Variants in SAMD4A observed in about 807,000 individuals in gnomAD.
SAMD4A encodes sterile alpha motif domain containing 4A.
SAMD4A carries 33 observed loss-of-function variants against 81.3 expected under a neutral mutation model. The ratio of observed to expected loss-of-function variants is 0.41; its 90% CI spans 0.31 to 0.54. The LOEUF is 0.54. Among genes scored for constraint, SAMD4A ranks in the 20% least tolerant of loss-of-function variants. The pLI is 0.37. For synonymous variants in SAMD4A, 389 were observed against 382.1 expected, an observed-to-expected ratio of 1.02 and a Z score of -0.21; for missense variants, 854 against 951.1, an observed-to-expected ratio of 0.90 and a Z score of 1.34.
In SAMD4A at chr14:54,599,603, C is replaced by T. The variant is rs149250174; in HGVS notation, c.196+31491C>T. Among the ~76,000 whole-genome samples the T allele has an allele frequency of 5.1e-3, 771 of 152,298 alleles. 2 individuals are homozygous for T. Among genetic ancestry groups the T allele is most frequent in the Non-Finnish European group, 9.4e-3 (639 of 68,026 alleles). On this transcript the variant is annotated intron_variant, in intron 2 of 12. Transcript: ENST00000554335. Reference sequence around the variant, plus strand: ...TTTTGGCATGGCTGTTTGTCTAGCTCTGTGATCTTGGACAGGTCAATTGAC... The same window carrying T: ...TTTTGGCATGGCTGTTTGTCTAGCTTTGTGATCTTGGACAGGTCAATTGAC...
chr14:54,692,972 A>G (rs957197704), intron 2 of SAMD4A: 6 of 150,054 alleles, frequency 4.0e-5, no homozygotes, highest in Admixed American at 2.7e-4. Context: ...GAGTTGTATT[A>G]AATATATTTC....
At chr14:54,750,617 A>G (rs1055447728) in intron 5 of SAMD4A, among the ~76,000 whole-genome samples, 1 of 152,220 alleles carries the variant, frequency 6.6e-6, no homozygotes, top group African/African-American at 2.4e-5. Context: ...AGAGAAACAA[A>G]AGACAAGCTG....
rs758878072 is a variant in SAMD4A, at chr14:54,791,071, T to G, written c.*2127T>G. Reference sequence around the variant, plus strand: ...GAAAGAGATGGCATTTTTTAGTTGATTATTTTTAACCAAGTGCCATTAACA... The same window carrying G: ...GAAAGAGATGGCATTTTTTAGTTGAGTATTTTTAACCAAGTGCCATTAACA... On this transcript the variant is annotated 3_prime_UTR_variant, in exon 13 of 13. Coordinates refer to ENST00000554335, the MANE Select transcript of SAMD4A (RefSeq NM_015589.6). 6.6e-6 allele frequency: 1 copy of G among 152,218 alleles called. No homozygotes were observed. Among genetic ancestry groups the G allele is most frequent in the Non-Finnish European group, 1.5e-5 (1 of 68,046 alleles). 9.4% of individuals were successfully genotyped at this position (152,218 alleles called of 1,614,324 possible).
Position 54,702,821 on chromosome 14 carries a change from A to G in SAMD4A, c.715+241A>G, listed in dbSNP as rs561530267. On this transcript the variant is annotated intron_variant, in intron 3 of 12. Transcript: ENST00000554335. ...TCCAAATTTGGGTTATAAACAGACC[A>G]AAAATAAATAGACAATAAATGAAAG... The G allele has an allele frequency of 4.6e-5, 22 of 480,332 alleles. No individual in the cohort carries two copies. In the Admixed American group the frequency reaches 5.9e-4, roughly 13 times the overall value. The allele number at this position is 480,332 out of a possible 1,614,324, so 29.8% of individuals were successfully genotyped here. A position where few individuals can be genotyped will look rare whatever the true frequency, so the allele number is the denominator to read the frequency against.
chr14:54,717,518 T>C (rs2037148829), intron 3 of SAMD4A, among the ~76,000 whole-genome samples: 1 of 152,088 alleles, frequency 6.6e-6, no homozygotes, highest in African/African-American at 2.4e-5. Context: ...AGCAGCATAA[T>C]GTTAATACCC....
chr14:54,760,882 C>G (rs1157903866), intron 7 of SAMD4A, among the ~76,000 whole-genome samples: 1 of 152,204 alleles, frequency 6.6e-6, no homozygotes, highest in Non-Finnish European at 1.5e-5. Context: ...GCAAAAGCGG[C>G]AGAAAATGAG....
intron 3 of SAMD4A, among the ~76,000 whole-genome samples, chr14:54,727,740 G>A (rs2140893151): frequency 6.6e-6 from 1 of 152,224 alleles, no homozygotes; most frequent in Middle Eastern, 3.4e-3. Context: ...ATGAATTTTA[G>A]CAATATGTGA....
chr14:54,728,539 G>A (rs113464820), intron 3 of SAMD4A, among the ~76,000 whole-genome samples: 5 of 151,772 alleles, frequency 3.3e-5, no homozygotes, highest in Non-Finnish European at 7.4e-5. Flanking sequence ...CTCAAATTCT[G>A]GTTTTTTTTT....
At chr14:54,617,870 T>C (rs143990073) in intron 2 of SAMD4A, among the ~76,000 whole-genome samples, 7 of 152,328 alleles carry the variant, frequency 4.6e-5, no homozygotes, top group Non-Finnish European at 8.8e-5. Context: ...TAAATTGTTT[T>C]CACAACTTTA....
At chr14:54,589,868 TA>T (rs1463260040) in intron 2 of SAMD4A, among the ~76,000 whole-genome samples, 1 of 152,202 alleles carries the variant, frequency 6.6e-6, no homozygotes, top group Non-Finnish European at 1.5e-5. Context: ...GGTCTCTGCT[TA>T]TATGTCTCCT....
At chr14:54,730,541 C>T (rs900885111) in intron 3 of SAMD4A, among the ~76,000 whole-genome samples, 3 of 152,192 alleles carry the variant, frequency 2.0e-5, no homozygotes, top group Non-Finnish European at 4.4e-5. Flanking sequence ...GAATCGTCTT[C>T]TGGTGTCCAG....
chr14:54,668,570 T>C (rs1444893841), intron 2 of SAMD4A, among the ~76,000 whole-genome samples: 1 of 152,216 alleles, frequency 6.6e-6, no homozygotes, highest in African/African-American at 2.4e-5. Flanking sequence ...TCTCTGTCCT[T>C]ACTTGGGCAA....
intron 2 of SAMD4A, among the ~76,000 whole-genome samples, chr14:54,610,646 T>C (rs1043143949): frequency 4.6e-5 from 7 of 152,242 alleles, no homozygotes; most frequent in Non-Finnish European, 8.8e-5. Context: ...ACTAACTCAC[T>C]GTTGATAAAG....
chr14:54,567,744 C>T lies in SAMD4A; in HGVS notation c.-173C>T, dbSNP rs183791207. ...CAGAACCACCGGAACGTAACTGAAA[C>T]CAGACAAGAGAGGCAGGAGCCCAGG... On this transcript the variant is annotated 5_prime_UTR_variant, in exon 2 of 13. Transcript: ENST00000554335. The T allele has an allele frequency of 3.4e-3, 1,801 of 532,954 alleles. 16 individuals are homozygous for T. The highest frequency in any genetic ancestry group is 5.9e-3 in the Admixed American group (159 of 26,860). 33.0% of individuals were successfully genotyped at this position (532,954 alleles called of 1,614,324 possible).
intron 2 of SAMD4A, among the ~76,000 whole-genome samples, chr14:54,583,283 C>G (rs1437711916): frequency 6.6e-6 from 1 of 152,134 alleles, no homozygotes; most frequent in Admixed American, 6.5e-5. Flanking sequence ...ATGGGGCATA[C>G]TTATACCACA....
At chr14:54,686,403 A>G (rs575157917) in intron 2 of SAMD4A, among the ~76,000 whole-genome samples, 1 of 152,212 alleles carries the variant, frequency 6.6e-6, no homozygotes, top group Non-Finnish European at 1.5e-5. Context: ...TGTCGCAGCC[A>G]GGGGCTTGCG....
intron 12 of SAMD4A, among the ~76,000 whole-genome samples, chr14:54,785,993 C>CTGGAGGTG (rs2039130531): frequency 6.6e-6 from 1 of 152,204 alleles, no homozygotes; most frequent in Non-Finnish European, 1.5e-5. Flanking sequence ...ACTGGGCCAT[C>CTGGAGGTG]CCTGGTACCT....
At position 54,702,332 on chromosome 14, in the gene SAMD4A, C is replaced by CCAG. The variant is rs75516264; in HGVS notation, c.469_471dup (p.Ser157dup). ...AATCACTTGGAGGACCGCACGTCGA[C>CCAG]CAGCTTTGGTGGCCAGAACCGAGGC... On this transcript the variant is annotated inframe_insertion, in exon 3 of 13. Coordinates refer to ENST00000554335, the MANE Select transcript of SAMD4A (RefSeq NM_015589.6). The CCAG allele has an allele frequency of 0.08, 128,845 of 1,614,094 alleles. 5,852 individuals carry two copies. The highest frequency in any genetic ancestry group is 0.089 in the Non-Finnish European group (105,291 of 1,179,972).
chr14:54,724,008 G>GGAAGGAAGGAA (rs1555347522), intron 3 of SAMD4A, among the ~76,000 whole-genome samples: 208 of 39,108 alleles, frequency 5.3e-3, no homozygotes, highest in Non-Finnish European at 7.6e-3. Flanking sequence ...ATGGATGGAT[G>GGAAGGAAGGAA]GAAGGAAGGA....
Sources: allele counts gnomAD v4.1 joint callset (sites outside exome capture counted in the v4.1 genomes callset), GRCh38; gene constraint gnomAD v4.1.1; transcripts MANE v1.5; gene names NCBI Gene and HGNC (gene_info 2026-07-23, HGNC 2026-07-21).